Variants in C3orf49 observed in about 807,000 individuals in gnomAD.
C3orf49 encodes chromosome 3 open reading frame 49, also known as putative uncharacterized protein C3orf49.
In C3orf49, 27 loss-of-function variants were observed where a neutral mutation model predicts 13.3. The observed-to-expected ratio is 2.02, with a 90% CI of 1.49 to 2.79. C3orf49 has a LOEUF of 2.79. C3orf49 is among the 30% of genes most tolerant of loss of function. The pLI is 0.00. For missense variants in C3orf49, 242 were observed against 134.2 expected, an observed-to-expected ratio of 1.80 and a Z score of -3.97; for synonymous variants, 87 against 47.6, an observed-to-expected ratio of 1.83 and a Z score of -3.40.
intron 5 of C3orf49, chr3:63,838,016 C>A: frequency 6.2e-7 from 1 of 1,609,398 alleles, no homozygotes; most frequent in Non-Finnish European, 8.5e-7. Context: ...GAAGAATTTG[C>A]TTTTTGCACT....
the C3orf49 span, among the ~76,000 whole-genome samples, chr3:63,796,329 A>G: frequency 2.0e-5 from 3 of 152,246 alleles, no homozygotes; most frequent in South Asian, 6.2e-4. Flanking sequence ...AAATATTAAT[A>G]TGATTCATTC....
chr3:63,787,785 G>A, the C3orf49 span, among the ~76,000 whole-genome samples: 5 of 152,082 alleles, frequency 3.3e-5, no homozygotes, highest in Non-Finnish European at 5.9e-5. Context: ...CCATCAACTG[G>A]TGAAGAAATA....
intron 1 of C3orf49, among the ~76,000 whole-genome samples, chr3:63,820,946 C>T (rs188814084): frequency 1.2e-4 from 19 of 152,192 alleles, no homozygotes; most frequent in South Asian, 6.2e-4. Context: ...GTGTGGGCTC[C>T]CTGCTTGCCT....
At chr3:63,790,279 T>C in the C3orf49 span, among the ~76,000 whole-genome samples, 2 of 152,148 alleles carry the variant, frequency 1.3e-5, no homozygotes, top group African/African-American at 2.4e-5. Flanking sequence ...AGCCAAGACA[T>C]CTGAAAACAA....
At chr3:63,812,271 G>A in the C3orf49 span, among the ~76,000 whole-genome samples, 1 of 152,130 alleles carries the variant, frequency 6.6e-6, no homozygotes, top group Non-Finnish European at 1.5e-5. Flanking sequence ...CAAAAATGAT[G>A]GCTGATGAGC....
intron 2 of C3orf49, chr3:63,826,813 A>G (rs1006908301): frequency 6.6e-6 from 1 of 152,070 alleles, no homozygotes; most frequent in Non-Finnish European, 1.5e-5. Flanking sequence ...TTTTTAAGAA[A>G]AAGAGAGTAC....
At chr3:63,834,299 A>G in intron 5 of C3orf49, 1 of 1,155,508 alleles carries the variant, frequency 8.7e-7, no homozygotes, top group Non-Finnish European at 1.2e-6. Flanking sequence ...AGCCAATACA[A>G]TTAAAGCTAA....
chr3:63,805,926 C>T, the C3orf49 span, among the ~76,000 whole-genome samples: 1 of 152,160 alleles, frequency 6.6e-6, no homozygotes, highest in Non-Finnish European at 1.5e-5. Context: ...AAGGGCTGGT[C>T]TTTTTTCATT....
At chr3:63,810,097 G>A in the C3orf49 span, among the ~76,000 whole-genome samples, 2 of 149,272 alleles carry the variant, frequency 1.3e-5, no homozygotes, top group Non-Finnish European at 3.0e-5. Context: ...AGTGAGCCGA[G>A]ATCACACCAC....
At chr3:63,824,278 A>G (rs1016487074) in intron 2 of C3orf49, among the ~76,000 whole-genome samples, 4 of 152,154 alleles carry the variant, frequency 2.6e-5, no homozygotes, top group Non-Finnish European at 5.9e-5. Context: ...GTTTCTGGAA[A>G]AAGTAGTGAT....
At chr3:63,802,046 A>T in the C3orf49 span, among the ~76,000 whole-genome samples, 1 of 152,236 alleles carries the variant, frequency 6.6e-6, no homozygotes, top group African/African-American at 2.4e-5. Flanking sequence ...CCATCCAGGG[A>T]ATAGGCAGGG....
intron 3 of C3orf49, among the ~76,000 whole-genome samples, chr3:63,828,691 C>T (rs1701496477): frequency 6.6e-6 from 1 of 152,110 alleles, no homozygotes; most frequent in African/African-American, 2.4e-5. Flanking sequence ...ACAAGACTTA[C>T]CTTAAAGCTA....
chr3:63,830,684 T>C (rs763816477), intron 3 of C3orf49, among the ~76,000 whole-genome samples: 1 of 152,154 alleles, frequency 6.6e-6, no homozygotes, highest in African/African-American at 2.4e-5. Flanking sequence ...AAGACGTGAC[T>C]GCCGTGAAAA....
chr3:63,823,552 G>T lies in C3orf49; in HGVS notation c.428G>T (p.Arg143Ile). Residue 143 changes from arginine to isoleucine, a missense_variant, in exon 2 of 7, where the codon AGA (arginine) becomes ATA (isoleucine). By Grantham distance (97) the Arg-to-Ile change is moderately conservative. Coordinates refer to ENST00000295896, the MANE Select transcript of C3orf49 (RefSeq NM_001355236.2). Reference protein sequence around the residue: ...SSPKLFTAKMRKLSENATIQL... With the variant: ...SSPKLFTAKMIKLSENATIQL... ...CCCAAGTTATTTACAGCAAAAATGA[G>T]AAAGCTCTCAGAGAATGGTAATCAT... 2 of 698,884 alleles carry T rather than the reference G, an allele frequency of 2.9e-6. No individual in the cohort carries two copies. The highest frequency in any genetic ancestry group is 2.6e-6 in the Non-Finnish European group (1 of 383,534). 43.3% of individuals were successfully genotyped at this position (698,884 alleles called of 1,614,324 possible).
At chr3:63,807,857 CAAAA>C in the C3orf49 span, among the ~76,000 whole-genome samples, 568 of 32,232 alleles carry the variant, frequency 0.018, 2 homozygotes, top group African/African-American at 0.046. Flanking sequence ...AACTTCATCT[CAAAA>C]AAAAAAAAAA....
intron 5 of C3orf49, among the ~76,000 whole-genome samples, chr3:63,835,925 ATG>A (rs1559601959): frequency 1.3e-5 from 2 of 152,056 alleles, no homozygotes; most frequent in South Asian, 2.1e-4. Flanking sequence ...ATTATTCTGT[ATG>A]TGTTTCAGGA....
the C3orf49 span, among the ~76,000 whole-genome samples, chr3:63,786,811 G>C: frequency 6.6e-6 from 1 of 152,172 alleles, no homozygotes; most frequent in Non-Finnish European, 1.5e-5. Context: ...CTTGTCCCCA[G>C]TTTGAGAGCT....
intron 5 of C3orf49, among the ~76,000 whole-genome samples, chr3:63,842,731 A>T (rs752269215): frequency 6.6e-6 from 1 of 152,134 alleles, no homozygotes; most frequent in Non-Finnish European, 1.5e-5. Flanking sequence ...AGGGAAAAAA[A>T]AACTACATTG....
the C3orf49 span, among the ~76,000 whole-genome samples, chr3:63,798,951 A>G: frequency 6.6e-6 from 1 of 152,186 alleles, no homozygotes; most frequent in Non-Finnish European, 1.5e-5. Context: ...TTAATTGTCT[A>G]GTAAGTCATT....
Sources: gnomAD v4.1 joint callset for allele counts (sites outside exome capture counted in the v4.1 genomes callset) on GRCh38, gnomAD v4.1.1 for gene constraint, MANE v1.5 for transcripts, NCBI Gene and HGNC (gene_info 2026-07-23, HGNC 2026-07-21) for gene names.